The following VPS13C variants were observed in gnomAD, a reference collection of about 807,000 sequenced individuals.
VPS13C encodes the protein intermembrane lipid transfer protein VPS13C.
VPS13C carries 358 observed loss-of-function variants against 456.8 expected under a neutral mutation model. The ratio of observed to expected loss-of-function variants is 0.78; its 90% CI spans 0.72 to 0.86. The LOEUF is 0.86. Ranked by LOEUF, VPS13C falls within the 40% of genes least tolerant of loss-of-function variation. The probability of loss-of-function intolerance (pLI) is 0.00; values close to 1 mark genes in which losing one functional copy is unlikely to be tolerated. For synonymous variants in VPS13C, 1,578 were observed against 1,486.7 expected, an observed-to-expected ratio of 1.06 and a Z score of -1.41; for missense variants, 4,818 against 4,385.4, an observed-to-expected ratio of 1.10 and a Z score of -2.79.
At chr15:62,050,727 G>T (rs895648455) in intron 1 of VPS13C, among the ~76,000 whole-genome samples, 3 of 149,628 alleles carry the variant, frequency 2.0e-5, no homozygotes, top group East Asian at 3.9e-4. Context: ...ACTCGAACCA[G>T]AAGGGCAGAG....
chr15:61,922,054 T>C, intron 54 of VPS13C, 21 bp from the exon 55 acceptor site: 2 of 1,609,406 alleles, frequency 1.2e-6, no homozygotes, highest in Non-Finnish European at 1.7e-6. Context: ...ACACACAAAA[T>C]TATAAGACAG....
chr15:61,914,976 G>T (rs1448361667), intron 61 of VPS13C, among the ~76,000 whole-genome samples: 2 of 151,568 alleles, frequency 1.3e-5, no homozygotes, highest in East Asian at 3.9e-4. Flanking sequence ...AACACGGATG[G>T]GATGTCTAGG....
chr15:61,961,475 G>A (rs1038941371), intron 35 of VPS13C, 114 bp downstream of exon 35: 21 of 995,002 alleles, frequency 2.1e-5, no homozygotes, highest in African/African-American at 1.7e-4. Context: ...AAACTGTTCC[G>A]TGTAATGGAA....
chr15:61,874,641 TATTTA>T (rs1345246089), intron 77 of VPS13C, among the ~76,000 whole-genome samples: 3 of 151,978 alleles, frequency 2.0e-5, no homozygotes, highest in Admixed American at 2.0e-4. Flanking sequence ...GGAATAAAAT[TATTTA>T]ATTTAAATGT....
At chr15:61,916,152 CT>C in intron 60 of VPS13C, 130 bp from the exon 61 acceptor site, 1 of 1,070,066 alleles carries the variant, frequency 9.3e-7, no homozygotes, top group Non-Finnish European at 1.3e-6. Flanking sequence ...AAGTACCATG[CT>C]TACATATTAC....
rs374770538 is a variant in VPS13C, at chr15:61,890,180, T to G, written c.9326A>C (p.Tyr3109Ser). 2 of 1,613,976 alleles carry G rather than the reference T, an allele frequency of 1.2e-6. No homozygotes were observed. Among genetic ancestry groups the G allele is most frequent in the Non-Finnish European group, 1.7e-6 (2 of 1,180,000 alleles). Residue 3109 changes from tyrosine (Y) to serine (S), a missense_variant, in exon 67 of 85, where the codon TAT (tyrosine) becomes TCT (serine). Physicochemically the swap from Tyr to Ser is moderately radical, Grantham distance 144. Transcript: ENST00000644861. ...TCTTGCATACCTGGTTATCCCAATA[T>G]AGGAAACTTCCTGCTTGCTTTCATT... ...VNNESKQEVSYIGITSSGVVW... is the reference protein window; with the variant it reads ...VNNESKQEVSSIGITSSGVVW...
chr15:61,916,007 G>C lies in VPS13C; in HGVS notation c.8071C>G (p.His2691Asp), dbSNP rs139139141. 9.6e-5 allele frequency: 151 copies of C among 1,580,744 alleles called. No individual in the cohort carries two copies. The highest frequency in any genetic ancestry group is 1.2e-4 in the Non-Finnish European group (140 of 1,158,796). The change falls in exon 61 of 85, where the codon CAT becomes GAT. Residue 2691 changes from histidine (H) to aspartate (D), a missense_variant. His to Asp is a moderately conservative substitution (Grantham distance 81). This residue lies in a region of VPS13C where 4,552 missense variants were observed against 4,130.6 expected (regional missense o/e 1.10). Coordinates refer to ENST00000644861, the MANE Select transcript of VPS13C (RefSeq NM_020821.3). ...RYLLEGTAET[H>D]ELAEGSTADV... ...GCAGTACTGCCTTCTGCCAGCTCATGAGTTTCTGCTGTTCCCTAAAAACAA... is the reference window on the plus strand; with the variant it reads ...GCAGTACTGCCTTCTGCCAGCTCATCAGTTTCTGCTGTTCCCTAAAAACAA...
chr15:61,971,637 C>A (rs1292564879), intron 27 of VPS13C, among the ~76,000 whole-genome samples: 3 of 152,146 alleles, frequency 2.0e-5, no homozygotes, highest in African/African-American at 7.2e-5. Context: ...AGTTAAGAGG[C>A]TATTGCAAAA....
At chr15:61,881,089 A>C in intron 71 of VPS13C, 135 bp from the exon 72 acceptor site, 1 of 719,948 alleles carries the variant, frequency 1.4e-6, no homozygotes, top group Non-Finnish European at 2.2e-6. Flanking sequence ...TAATAAGATC[A>C]AAGTCTTCTT....
intron 51 of VPS13C, among the ~76,000 whole-genome samples, chr15:61,928,037 C>T (rs1042588943): frequency 5.0e-5 from 4 of 79,646 alleles, no homozygotes; most frequent in South Asian, 5.0e-4. Context: ...CACCGGGGAC[C>T]GTTGTGGGGT....
At chr15:61,889,014 G>C (rs902112450) in intron 67 of VPS13C, among the ~76,000 whole-genome samples, 1 of 152,006 alleles carries the variant, frequency 6.6e-6, no homozygotes, top group African/African-American at 2.4e-5. Context: ...ACATAAGGCT[G>C]CTCAAAAAAA....
chr15:61,961,581 G>T lies in VPS13C; in HGVS notation c.3908+8C>A, dbSNP rs1266844912. ...ATATTTAAATCCATAATTATTGAAAGAGCATACCTATAAAGTGTAAGCTTT... is the reference window on the plus strand; with the variant it reads ...ATATTTAAATCCATAATTATTGAAATAGCATACCTATAAAGTGTAAGCTTT... On this transcript the variant is annotated splice_region_variant and intron_variant, in intron 35 of 84. Transcript: ENST00000644861. 1 of 1,545,394 alleles carries T rather than the reference G, an allele frequency of 6.5e-7. No individual in the cohort carries two copies. The highest frequency in any genetic ancestry group is 1.3e-5 in the South Asian group (1 of 79,100).
intron 3 of VPS13C, among the ~76,000 whole-genome samples, chr15:62,040,480 CCTA>C (rs2048203748): frequency 6.6e-6 from 1 of 151,830 alleles, no homozygotes; most frequent in Admixed American, 6.6e-5. Context: ...AATATATATA[CCTA>C]CTATGTATCC....
At chr15:61,983,187 A>C (rs1245789316) in intron 20 of VPS13C, among the ~76,000 whole-genome samples, 1 of 151,916 alleles carries the variant, frequency 6.6e-6, no homozygotes, top group Non-Finnish European at 1.5e-5. Context: ...CCCCCCACCC[A>C]CACACACACA....
chr15:61,861,605 T>TGA (rs970550647), intron 82 of VPS13C, among the ~76,000 whole-genome samples: 3 of 152,206 alleles, frequency 2.0e-5, no homozygotes, highest in African/African-American at 7.2e-5. Context: ...CTTAACAGGC[T>TGA]GAGGCTGGAG....
intron 66 of VPS13C, among the ~76,000 whole-genome samples, chr15:61,904,973 A>C (rs1275364916): frequency 1.3e-5 from 2 of 152,086 alleles, no homozygotes; most frequent in East Asian, 3.8e-4. Flanking sequence ...TGGTTACCAA[A>C]GGATGAGAAG....
At chr15:61,967,522 T>C (rs906559792) in intron 28 of VPS13C, 75 bp from the exon 29 acceptor site, 4 of 1,186,948 alleles carry the variant, frequency 3.4e-6, no homozygotes, top group Non-Finnish European at 4.8e-6. Context: ...TTTAGATTTT[T>C]AAAAATTTGT....
rs544147752 is a variant in VPS13C, at chr15:61,921,861, C to T, written c.7062+86G>A. The T allele has an allele frequency of 1.5e-4, 213 of 1,394,098 alleles. 3 individuals carry two copies. In the South Asian group the frequency reaches 2.2e-3, roughly 14 times the overall value. 86.4% of individuals were successfully genotyped at this position (1,394,098 alleles called of 1,614,324 possible). ...TTAAAAGGGCTTCAAGGATCCTAGACCACATCTTAAGAATCACTGAAATAA... is the reference window on the plus strand; with the variant it reads ...TTAAAAGGGCTTCAAGGATCCTAGATCACATCTTAAGAATCACTGAAATAA... On this transcript the variant is annotated intron_variant, in intron 55 of 84. Coordinates refer to ENST00000644861, the MANE Select transcript of VPS13C (RefSeq NM_020821.3).
intron 37 of VPS13C, among the ~76,000 whole-genome samples, chr15:61,957,733 T>G (rs769462067): frequency 8.5e-5 from 13 of 152,096 alleles, no homozygotes; most frequent in Non-Finnish European, 1.6e-4. Flanking sequence ...TATACATACT[T>G]GTAAAAGTAT....
Sources: allele counts gnomAD v4.1 joint callset (sites outside exome capture counted in the v4.1 genomes callset), GRCh38; gene constraint gnomAD v4.1.1; regional missense constraint gnomAD v4.1.1; transcripts MANE v1.5; gene names NCBI Gene and HGNC (gene_info 2026-07-23, HGNC 2026-07-21).